Variants in PLEKHG1 observed in about 807,000 individuals in gnomAD.
PLEKHG1 encodes the protein pleckstrin homology domain-containing family G member 1.
A neutral mutation model predicts 100.8 loss-of-function variants in PLEKHG1; 44 were observed. The observed-to-expected ratio is 0.44, with a 90% confidence interval of 0.34 to 0.56. The LOEUF is 0.56. PLEKHG1 is among the 20% of genes least tolerant of loss of function. PLEKHG1 has a pLI of 0.01. For synonymous variants in PLEKHG1, 640 were observed against 662.5 expected, an observed-to-expected ratio of 0.97 and a Z score of 0.52; for missense variants, 1,545 against 1,720.9, an observed-to-expected ratio of 0.90 and a Z score of 1.81.
At chr6:150,656,121 T>TAAAA (rs372257546) in intron 3 of PLEKHG1, among the ~76,000 whole-genome samples, 5 of 146,682 alleles carry the variant, frequency 3.4e-5, no homozygotes, top group African/African-American at 1.3e-4. Context: ...AATCAACCAA[T>TAAAA]AAAAAAAAAA....
intron 2 of PLEKHG1, among the ~76,000 whole-genome samples, chr6:150,761,099 C>CTTTTTTTTTTTT (rs35068801): frequency 6.3e-3 from 600 of 95,792 alleles, no homozygotes; most frequent in Non-Finnish European, 9.0e-3. Context: ...TTCTTTTTTT[C>CTTTTTTTTTTTT]TTTTTTTTTT....
intron 3 of PLEKHG1, among the ~76,000 whole-genome samples, chr6:150,715,426 C>A (rs1781387740): frequency 6.6e-6 from 1 of 151,504 alleles, no homozygotes; most frequent in South Asian, 2.1e-4. Flanking sequence ...GACTTCAGTG[C>A]GGAAGTGTGA....
At chr6:150,820,758 G>A (rs546619098) in intron 12 of PLEKHG1, among the ~76,000 whole-genome samples, 3 of 152,116 alleles carry the variant, frequency 2.0e-5, no homozygotes, top group South Asian at 4.2e-4. Flanking sequence ...CCAGCTACTC[G>A]GGAGGCTGAG....
chr6:150,647,512 T>C (rs1012655778), intron 2 of PLEKHG1, among the ~76,000 whole-genome samples: 1 of 152,214 alleles, frequency 6.6e-6, no homozygotes, highest in Non-Finnish European at 1.5e-5. Flanking sequence ...TTTGCCTATG[T>C]AACTTATTTT....
chr6:150,711,679 A>G, intron 3 of PLEKHG1, among the ~76,000 whole-genome samples: 1 of 152,172 alleles, frequency 6.6e-6, no homozygotes, highest in South Asian at 2.1e-4. Context: ...CCCCTAGAAA[A>G]TAAGTGTCAT....
At chr6:150,816,490 G>T (rs1393994345) in intron 10 of PLEKHG1, among the ~76,000 whole-genome samples, 2 of 151,854 alleles carry the variant, frequency 1.3e-5, no homozygotes, top group East Asian at 3.9e-4. Flanking sequence ...ACCACGCACA[G>T]CTAATTTTTG....
chr6:150,779,969 A>G (rs2128647104), intron 3 of PLEKHG1, among the ~76,000 whole-genome samples: 1 of 151,576 alleles, frequency 6.6e-6, no homozygotes, highest in Middle Eastern at 3.4e-3. Context: ...TCTCAAAAAA[A>G]AAAGAAAGAA....
intron 4 of PLEKHG1, among the ~76,000 whole-genome samples, chr6:150,790,768 T>C (rs934110884): frequency 6.6e-6 from 1 of 152,158 alleles, no homozygotes. Context: ...ATGCGTGTAA[T>C]CCCAGCACTT....
At position 150,808,268 on chromosome 6, in the gene PLEKHG1, C is replaced by A. The variant is rs187854478; in HGVS notation, c.913-837C>A. ...CATAAGTTAGGGGCAAAGAAAGGTTCATTTCCTTTCCCTGAGTAAGTAAAT... is the reference window on the plus strand; with the variant it reads ...CATAAGTTAGGGGCAAAGAAAGGTTAATTTCCTTTCCCTGAGTAAGTAAAT... On this transcript the variant is annotated intron_variant, in intron 7 of 15. Transcript: ENST00000358517. 2.4e-4 allele frequency among the ~76,000 whole-genome samples: 36 copies of A among 152,254 alleles called. 1 individual carries two copies. The East Asian group carries it at 7.0e-3, about 29-fold the overall frequency.
chr6:150,837,566 T>C (rs1562569454), intron 15 of PLEKHG1, among the ~76,000 whole-genome samples: 1 of 152,284 alleles, frequency 6.6e-6, no homozygotes, highest in Non-Finnish European at 1.5e-5. Flanking sequence ...TTTCCAAAAT[T>C]GTCATCTTCT....
At chr6:150,658,305 A>C (rs1352494054) in intron 3 of PLEKHG1, among the ~76,000 whole-genome samples, 1 of 152,238 alleles carries the variant, frequency 6.6e-6, no homozygotes, top group African/African-American at 2.4e-5. Context: ...ATTGTGTTTT[A>C]AAATAGAAAG....
At chr6:150,696,939 C>T (rs1393378368) in intron 3 of PLEKHG1, among the ~76,000 whole-genome samples, 2 of 151,972 alleles carry the variant, frequency 1.3e-5, no homozygotes, top group African/African-American at 4.8e-5. Context: ...GAAACCCCAT[C>T]TCTACTAAAA....
At chr6:150,763,024 C>CTTTTTTTTTTTTTTTTTGTTTTTT (rs1784253967) in intron 2 of PLEKHG1, among the ~76,000 whole-genome samples, 1 of 76,530 alleles carries the variant, frequency 1.3e-5, no homozygotes, top group Non-Finnish European at 2.1e-5. Context: ...GATAAAGCTT[C>CTTTTTTTTTTTTTTTTTGTTTTTT]TTTTTTTTTT....
intron 2 of PLEKHG1, among the ~76,000 whole-genome samples, chr6:150,644,493 G>T (rs950155746): frequency 6.6e-6 from 1 of 151,398 alleles, no homozygotes; most frequent in African/African-American, 2.4e-5. Context: ...TCCCACACCC[G>T]GCTAATTTTT....
At chr6:150,740,879 A>G (rs2128622190) in intron 2 of PLEKHG1, among the ~76,000 whole-genome samples, 1 of 152,336 alleles carries the variant, frequency 6.6e-6, no homozygotes, top group South Asian at 2.1e-4. Context: ...TAAATAGTAC[A>G]TCTAATCATT....
chr6:150,738,706 C>G (rs1284337625), intron 2 of PLEKHG1, among the ~76,000 whole-genome samples: 1 of 152,170 alleles, frequency 6.6e-6, no homozygotes, highest in Admixed American at 6.5e-5. Context: ...AACCCCTGTC[C>G]CCTCCCCAGC....
chr6:150,819,727 T>G, exon 12 of PLEKHG1: 1 of 1,612,982 alleles, frequency 6.2e-7, no homozygotes, highest in Non-Finnish European at 8.5e-7. Flanking sequence ...AAAGCACTGT[T>G]CGGCTCTAAA....
At chr6:150,628,482 C>G (rs973261595) in intron 1 of PLEKHG1, among the ~76,000 whole-genome samples, 15 of 143,978 alleles carry the variant, frequency 1.0e-4, no homozygotes, top group Admixed American at 2.9e-4. Context: ...TTCAAAGAGT[C>G]CTCAGCAAAT....
intron 1 of PLEKHG1, among the ~76,000 whole-genome samples, chr6:150,730,901 CAA>C (rs59262689): frequency 3.6e-5 from 5 of 138,304 alleles, no homozygotes; most frequent in Admixed American, 7.3e-5. Context: ...AACTCTGTCT[CAA>C]AAAAAAAAAA....
Sources: allele counts gnomAD v4.1 joint callset (sites outside exome capture counted in the v4.1 genomes callset), GRCh38; gene constraint gnomAD v4.1.1; transcripts MANE v1.5; gene names NCBI Gene and HGNC (gene_info 2026-07-23, HGNC 2026-07-21).